MICALL1: variants seen among roughly 807,000 people sequenced by gnomAD.
MICALL1 encodes MICAL like 1.
A neutral mutation model predicts 83.7 loss-of-function variants in MICALL1; 61 were observed. The observed-to-expected ratio is 0.73, with a 90% CI of 0.59 to 0.90. MICALL1 has a LOEUF of 0.90. Ranked by LOEUF, MICALL1 falls within the 40% of genes least tolerant of loss-of-function variation. The pLI is 0.00. For synonymous variants in MICALL1, 481 were observed against 473.6 expected (o/e 1.02, Z -0.20); for missense variants, 1,066 against 1,152.0 (o/e 0.93, Z 1.08).
intron 1 of MICALL1, among the ~76,000 whole-genome samples, chr22:37,909,934 C>T (rs1928211068): frequency 6.6e-6 from 1 of 152,204 alleles, no homozygotes; most frequent in African/African-American, 2.4e-5. Context: ...TGGGCCCTGC[C>T]TGGGTGAACC....
At chr22:37,912,740 C>T (rs1054837278) in intron 3 of MICALL1, among the ~76,000 whole-genome samples, 14 of 151,272 alleles carry the variant, frequency 9.3e-5, no homozygotes, top group Non-Finnish European at 2.1e-4. Context: ...GATCTCGGCT[C>T]ACTGCAACCT....
In MICALL1 at chr22:37,940,737, CAAG is replaced by C. The variant is rs1475242203; in HGVS notation, c.2506_2508del (p.Lys836del). On this transcript the variant is annotated inframe_deletion, in exon 16 of 16. Transcript: ENST00000215957. ...TCCAGAGGGAGGCTGAACCTGAGGG[CAAG>C]AAGAAGGGGAAGTTCAAGACCATGA... 2.1e-5 allele frequency: 34 copies of C among 1,613,974 alleles called. No individual in the cohort carries two copies. Among genetic ancestry groups the C allele is most frequent in the Non-Finnish European group, 2.7e-5 (32 of 1,179,918 alleles).
chr22:37,907,806 G>A (rs1569133055), intron 1 of MICALL1, among the ~76,000 whole-genome samples: 1 of 152,246 alleles, frequency 6.6e-6, no homozygotes, highest in Non-Finnish European at 1.5e-5. Flanking sequence ...GGAACAAGAT[G>A]AGGTGGTCAT....
chr22:37,938,809 C>T (rs187114883), intron 15 of MICALL1, among the ~76,000 whole-genome samples: 289 of 152,130 alleles, frequency 1.9e-3, no homozygotes, highest in Middle Eastern at 3.4e-3. Context: ...GATGGGGTTT[C>T]GCCATGTTGG....
At chr22:37,934,095 C>T (rs1449587431) in intron 13 of MICALL1, among the ~76,000 whole-genome samples, 2 of 152,248 alleles carry the variant, frequency 1.3e-5, no homozygotes, top group Non-Finnish European at 2.9e-5. Flanking sequence ...CGCCCTGTGG[C>T]CAGAGCGGGC....
intron 3 of MICALL1, among the ~76,000 whole-genome samples, chr22:37,915,546 G>A (rs192392278): frequency 5.3e-4 from 81 of 152,156 alleles, no homozygotes; most frequent in African/African-American, 1.8e-3. Context: ...TTTCCCTTTT[G>A]CAGTGAGGAT....
In MICALL1 at chr22:37,906,760, G is replaced by T. The variant is rs1213395429; in HGVS notation, c.146+192G>T. 3 of 290,368 alleles carry T rather than the reference G, an allele frequency of 1.0e-5. No individual in the cohort carries two copies. The highest frequency in any genetic ancestry group is 1.7e-5 in the Non-Finnish European group (3 of 177,506). The allele number at this position is 290,368 out of a possible 1,614,324, so 18.0% of individuals were successfully genotyped here. On this transcript the variant is annotated intron_variant, in intron 1 of 15. Coordinates refer to ENST00000215957, the MANE Select transcript of MICALL1 (RefSeq NM_033386.4). The surrounding 1 kb of genome is among the most constrained non-coding windows in gnomAD (Gnocchi z 4.4). ...GGCCCAGGGCGCCCCTCCCCCGCCC[G>T]GCCGCCCTGACCCCGCCCGTGGGAT... is the stretch of plus-strand genomic sequence containing the variant.
At chr22:37,929,384 G>T (rs1929666369) in intron 9 of MICALL1, among the ~76,000 whole-genome samples, 1 of 152,194 alleles carries the variant, frequency 6.6e-6, no homozygotes, top group Non-Finnish European at 1.5e-5. Context: ...AGGGGGAGGT[G>T]CTATAATGTA....
Position 37,932,520 on chromosome 22 carries a change from CA to C in MICALL1, c.2017-32del. 1.2e-6 allele frequency: 2 copies of C among 1,610,248 alleles called. No homozygotes were observed. The highest frequency in any genetic ancestry group is 1.3e-5 in the African/African-American group (1 of 75,010). On this transcript the variant is annotated intron_variant, in intron 10 of 15. Transcript: ENST00000215957. This position sits in a 1 kb window ranked among gnomAD's most constrained non-coding sequence, Gnocchi z 4.4. ...GGCAAGGCTCCTGGCAGCAACCAGGCAGGCCGTCAGGTGACCAGGCACTGTT... is the reference window on the plus strand; with the variant it reads ...GGCAAGGCTCCTGGCAGCAACCAGGCGGCCGTCAGGTGACCAGGCACTGTT...
chr22:37,927,071 G>A (rs1281170231), intron 8 of MICALL1: 2 of 334,032 alleles, frequency 6.0e-6, no homozygotes, highest in Non-Finnish European at 1.1e-5. Context: ...CTCTGCCTCC[G>A]CACTGCAGAT....
Position 37,911,954 on chromosome 22 carries a change from A to G in MICALL1, c.149A>G (p.Asp50Gly), listed in dbSNP as rs746517207. 7 of 1,613,856 alleles carry G rather than the reference A, an allele frequency of 4.3e-6. No individual in the cohort carries two copies. The Middle Eastern group carries it at 6.6e-4, about 152-fold the overall frequency. ...CCTCCTCCCTTTGCCTCTTGCAGAG[A>G]TTTTGATTCGCTTTCCAAGGACAAT... ...ILHRHRPDLL[D>G]FDSLSKDNVF... The change falls in exon 2 of 16, where the codon GAT (aspartate) becomes GGT (glycine). Residue 50 changes from aspartate to glycine, a missense_variant and splice_region_variant. Physicochemically the swap from Asp to Gly is moderately conservative, Grantham distance 94 (BLOSUM62 -1). Transcript: ENST00000215957.
At chr22:37,918,781 C>T (rs1299240331) in intron 4 of MICALL1, among the ~76,000 whole-genome samples, 3 of 152,228 alleles carry the variant, frequency 2.0e-5, no homozygotes, top group Admixed American at 6.5e-5. Context: ...TCAGGATTTT[C>T]GTGTTTCCGC....
At chr22:37,931,446 C>T (rs1260569855) in intron 9 of MICALL1, among the ~76,000 whole-genome samples, 2 of 151,996 alleles carry the variant, frequency 1.3e-5, no homozygotes, top group East Asian at 1.9e-4. Flanking sequence ...CCCAGCTTCT[C>T]GAGAGGCTGA....
chr22:37,935,121 A>G (rs1004507168), intron 13 of MICALL1, among the ~76,000 whole-genome samples: 1 of 144,776 alleles, frequency 6.9e-6, no homozygotes, highest in Non-Finnish European at 1.5e-5. Flanking sequence ...TTTAGTAGAG[A>G]CGGGGTTTCA....
intron 9 of MICALL1, among the ~76,000 whole-genome samples, chr22:37,929,142 T>C (rs1929653353): frequency 4.0e-5 from 6 of 151,818 alleles, no homozygotes; most frequent in Admixed American, 2.0e-4. Flanking sequence ...GTCTTTGGCC[T>C]CCAGGGGCTC....
rs761747393 is a variant in MICALL1 at position 37,932,763 on chromosome 22, G to A, written c.2144-35G>A. On this transcript the variant is annotated intron_variant, in intron 11 of 15. Transcript: ENST00000215957. This position sits in a 1 kb window ranked among gnomAD's most constrained non-coding sequence, Gnocchi z 4.4. ...CCGGGGAACTGAGCCAGGCATGGCA[G>A]CCAGCCCTGGCCTCAGTGGGTATCT... The A allele has an allele frequency of 3.7e-6, 6 of 1,613,696 alleles. No individual in the cohort carries two copies. Among genetic ancestry groups the A allele is most frequent in the Non-Finnish European group, 5.1e-6 (6 of 1,179,772 alleles).
At chr22:37,936,029 T>C (rs1930103478) in intron 13 of MICALL1, among the ~76,000 whole-genome samples, 1 of 152,034 alleles carries the variant, frequency 6.6e-6, no homozygotes, top group Non-Finnish European at 1.5e-5. Flanking sequence ...GGGCCCGGCC[T>C]AGGATATTTA....
At chr22:37,922,817 T>TTTC (rs1257998331) in intron 6 of MICALL1, among the ~76,000 whole-genome samples, 1 of 142,450 alleles carries the variant, frequency 7.0e-6, no homozygotes, top group African/African-American at 2.6e-5. Flanking sequence ...TTTTTTTTTT[T>TTTC]AGTAGAGACG....
At position 37,926,878 on chromosome 22, in the gene MICALL1, C is replaced by G. The variant is rs184949801; in HGVS notation, c.1466-533C>G. The stretch of plus-strand genomic sequence containing the variant: ...GGAGCATGAGCTCTGGAGTCAGATA[C>G]AGTGGATTCAGTCCCACCCCGTGCT... On this transcript the variant is annotated intron_variant, in intron 8 of 15. Transcript: ENST00000215957. 114 of 155,602 alleles carry G rather than the reference C, an allele frequency of 7.3e-4. 1 individual carries two copies. In the East Asian group the frequency reaches 0.011, roughly 15 times the overall value. 9.6% of individuals were successfully genotyped at this position (155,602 alleles called of 1,614,324 possible). A position where few individuals can be genotyped will look rare whatever the true frequency, so the allele number is the denominator to read the frequency against.
Sources: gnomAD v4.1 joint callset for allele counts (sites outside exome capture counted in the v4.1 genomes callset) on GRCh38, gnomAD v4.1.1 for gene constraint, Gnocchi (gnomAD v3.1) non-coding constraint, MANE v1.5 for transcripts, NCBI Gene and HGNC (gene_info 2026-07-23, HGNC 2026-07-21) for gene names.